CDK19: variants seen among roughly 807,000 people sequenced by gnomAD.
The protein encoded by CDK19 is cyclin-dependent kinase 19.
A neutral mutation model predicts 68.3 loss-of-function variants in CDK19; 20 were observed. The observed-to-expected ratio is 0.29, with a 90% CI of 0.21 to 0.43. The LOEUF is 0.43. Ranked by LOEUF, CDK19 falls within the 20% of genes least tolerant of loss-of-function variation. The probability of loss-of-function intolerance (pLI) is 1.00; values close to 1 mark genes in which losing one functional copy is unlikely to be tolerated. For missense variants in CDK19, 339 were observed against 623.5 expected (o/e 0.54, Z 4.86); for synonymous variants, 221 against 222.8 (o/e 0.99, Z 0.07).
At chr6:110,696,553 A>G (rs1172349341) in intron 2 of CDK19, among the ~76,000 whole-genome samples, 1 of 152,328 alleles carries the variant, frequency 6.6e-6, no homozygotes, top group Admixed American at 6.5e-5. Flanking sequence ...AAAGGAGGTC[A>G]AAGTGTCGCT....
chr6:110,719,604 G>T (rs552125408), intron 2 of CDK19, among the ~76,000 whole-genome samples: 1 of 152,214 alleles, frequency 6.6e-6, no homozygotes, highest in East Asian at 1.9e-4. Flanking sequence ...TAAAAAAGAT[G>T]CTTAGACTAG....
At chr6:110,728,151 G>C (rs1421761820) in intron 2 of CDK19, among the ~76,000 whole-genome samples, 2 of 152,042 alleles carry the variant, frequency 1.3e-5, no homozygotes. Flanking sequence ...AGCCGGGCAT[G>C]GTGGCGTGCA....
At position 110,648,907 on chromosome 6, in the gene CDK19, C is replaced by T. The variant is rs986087799; in HGVS notation, c.457-10201G>A. 3.3e-4 allele frequency among the ~76,000 whole-genome samples: 50 copies of T among 152,062 alleles called. No individual in the cohort carries two copies. The South Asian group carries it at 8.5e-3, about 26-fold the overall frequency. On this transcript the variant is annotated intron_variant, in intron 4 of 12. Coordinates refer to ENST00000368911, the MANE Select transcript of CDK19 (RefSeq NM_015076.5). ...TCATTTTTTGTATTTTTAGTAGAGA[C>T]GGGGTTTCACCATGTTGGTCAGGCT...
intron 2 of CDK19, among the ~76,000 whole-genome samples, chr6:110,696,167 T>A (rs1302622160): frequency 6.6e-6 from 1 of 152,192 alleles, no homozygotes; most frequent in East Asian, 1.9e-4. Flanking sequence ...AGTGGGTTCA[T>A]AACAGTGATA....
chr6:110,681,933 C>T (rs886714461), intron 2 of CDK19, among the ~76,000 whole-genome samples: 2 of 152,154 alleles, frequency 1.3e-5, no homozygotes, highest in Admixed American at 1.3e-4. Flanking sequence ...TTTCACTGTC[C>T]TAAATGTAAA....
intron 9 of CDK19, 129 bp from the exon 10 acceptor site, chr6:110,623,041 A>C (rs557841031): frequency 2.9e-6 from 2 of 696,404 alleles, no homozygotes; most frequent in Non-Finnish European, 5.1e-6. Flanking sequence ...CAGATTATGC[A>C]TACTACATAC....
At chr6:110,698,741 T>G (rs138576345) in intron 2 of CDK19, among the ~76,000 whole-genome samples, 4 of 152,154 alleles carry the variant, frequency 2.6e-5, no homozygotes, top group Non-Finnish European at 2.9e-5. Context: ...TGCAAAGATA[T>G]GGAACCAACC....
At chr6:110,802,812 T>C (rs184832434) in intron 1 of CDK19, among the ~76,000 whole-genome samples, 2 of 152,228 alleles carry the variant, frequency 1.3e-5, no homozygotes, top group Non-Finnish European at 2.9e-5. Context: ...CAAATTAAAA[T>C]AGAAGCAATA....
chr6:110,771,919 C>T (rs1780038893), intron 1 of CDK19, among the ~76,000 whole-genome samples: 1 of 152,192 alleles, frequency 6.6e-6, no homozygotes, highest in South Asian at 2.1e-4. Flanking sequence ...AGTTCCTCAT[C>T]TCCATTTGAG....
rs1454129899 is a variant in CDK19, at chr6:110,804,180, C to T, written c.128+10829G>A. Among the ~76,000 whole-genome samples, 6 of 152,174 alleles carry T rather than the reference C, an allele frequency of 3.9e-5. No individual in the cohort carries two copies. The East Asian group carries it at 1.2e-3, about 29-fold the overall frequency. On this transcript the variant is annotated intron_variant, in intron 1 of 12. Coordinates refer to ENST00000368911, the MANE Select transcript of CDK19 (RefSeq NM_015076.5). Reference sequence around the variant, plus strand: ...TAACTGGCCTACTTGGTAAATAAATCCATTCCCTAATCACATTCAGCTTAG... The same window carrying T: ...TAACTGGCCTACTTGGTAAATAAATTCATTCCCTAATCACATTCAGCTTAG...
chr6:110,806,155 C>T (rs1782666578), intron 1 of CDK19, among the ~76,000 whole-genome samples: 1 of 151,898 alleles, frequency 6.6e-6, no homozygotes, highest in African/African-American at 2.4e-5. Flanking sequence ...GCCCGGCCAA[C>T]ATGATGAAAC....
chr6:110,814,617 G>C (rs555461827), intron 1 of CDK19: 2 of 469,462 alleles, frequency 4.3e-6, no homozygotes, highest in African/African-American at 4.0e-5. Context: ...CACAACGACC[G>C]TCACTACCCA....
At chr6:110,814,844 G>T in intron 1 of CDK19, 165 bp downstream of exon 1, 1 of 876,230 alleles carries the variant, frequency 1.1e-6, no homozygotes, top group South Asian at 1.5e-5. Context: ...CGGGGGAGGC[G>T]GGCGGAACGG....
chr6:110,706,047 G>C (rs1774440091), intron 2 of CDK19, among the ~76,000 whole-genome samples: 1 of 151,930 alleles, frequency 6.6e-6, no homozygotes, highest in Admixed American at 6.6e-5. Flanking sequence ...AACCTGTTTT[G>C]TTTTCTTGTT....
intron 1 of CDK19, among the ~76,000 whole-genome samples, chr6:110,785,773 G>A (rs1179184739): frequency 6.6e-6 from 1 of 152,144 alleles, no homozygotes; most frequent in African/African-American, 2.4e-5. Flanking sequence ...CTGAGTTTGG[G>A]AGTTGGCGAC....
At chr6:110,638,612 AG>A in intron 5 of CDK19, 36 bp downstream of exon 5, 2 of 1,033,738 alleles carry the variant, frequency 1.9e-6, no homozygotes, top group Non-Finnish European at 1.5e-6. Flanking sequence ...AGTTAACTTC[AG>A]TTTTTAAATA....
chr6:110,770,552 T>G (rs1583062366), intron 1 of CDK19, among the ~76,000 whole-genome samples: 1 of 152,182 alleles, frequency 6.6e-6, no homozygotes, highest in Non-Finnish European at 1.5e-5. Context: ...GGCTGTAGAA[T>G]TCAAGATGAG....
At position 110,746,238 on chromosome 6, in the gene CDK19, T is replaced by A. The variant is rs368801351; in HGVS notation, c.129-37A>T. Reference sequence around the variant, plus strand: ...CAAAAAAACATCATTTTTCCATATATCACTTTCAGATTCAAAATTATAACT... The same window carrying A: ...CAAAAAAACATCATTTTTCCATATAACACTTTCAGATTCAAAATTATAACT... On this transcript the variant is annotated intron_variant, in intron 1 of 12. Transcript: ENST00000368911. 1.5e-4 allele frequency: 185 copies of A among 1,270,728 alleles called. 4 individuals carry two copies. The East Asian group carries it at 1.9e-3, about 13-fold the overall frequency. 78.7% of individuals were successfully genotyped at this position (1,270,728 alleles called of 1,614,324 possible). A position where few individuals can be genotyped will look rare whatever the true frequency, so the allele number is the denominator to read the frequency against.
rs1386198027 is a variant in CDK19 at position 110,620,398 on chromosome 6, A to G, written c.1377+706T>C. Among the ~76,000 whole-genome samples, 3 of 152,268 alleles carry G rather than the reference A, an allele frequency of 2.0e-5. No homozygotes were observed. The East Asian group carries it at 5.8e-4, about 29-fold the overall frequency. Reference sequence around the variant, plus strand: ...ACTTAAAACAAACAAAAAAACAAACAAACAAAAAACTTAAGTTTTCCCTTC... The same window carrying G: ...ACTTAAAACAAACAAAAAAACAAACGAACAAAAAACTTAAGTTTTCCCTTC... On this transcript the variant is annotated intron_variant, in intron 12 of 12. Transcript: ENST00000368911.
Sources: gnomAD v4.1 joint callset for allele counts (sites outside exome capture counted in the v4.1 genomes callset) on GRCh38, gnomAD v4.1.1 for gene constraint, MANE v1.5 for transcripts, NCBI Gene and HGNC (gene_info 2026-07-23, HGNC 2026-07-21) for gene names.